The following EBF2 variants were observed in gnomAD, a reference collection of about 807,000 sequenced individuals.
The protein encoded by EBF2 is transcription factor COE2.
In EBF2, 21 loss-of-function variants were observed where a neutral mutation model predicts 72.8. That is an observed-to-expected ratio of 0.29 (90% confidence interval 0.20 to 0.42). The LOEUF is 0.42. Ranked by LOEUF, EBF2 falls within the 10% of genes least tolerant of loss-of-function variation. The pLI, the probability that EBF2 is intolerant of heterozygous loss-of-function variation, is 1.00. For synonymous variants in EBF2, 299 were observed against 274.2 expected (o/e 1.09, Z -0.89); for missense variants, 637 against 731.2 (o/e 0.87, Z 1.49).
chr8:26,040,553 C>A, intron 4 of EBF2, 63 bp downstream of exon 4: 1 of 1,499,840 alleles, frequency 6.7e-7, no homozygotes, highest in Non-Finnish European at 9.0e-7. Context: ...CAGAAACAAA[C>A]TGGGGGGTTT....
chr8:25,927,925 C>T (rs1366956556), intron 6 of EBF2, among the ~76,000 whole-genome samples: 1 of 152,214 alleles, frequency 6.6e-6, no homozygotes. Context: ...ATGAATAAAA[C>T]CTGGCCCACA....
chr8:25,883,567 G>A (rs1457672463), intron 10 of EBF2, among the ~76,000 whole-genome samples: 1 of 152,068 alleles, frequency 6.6e-6, no homozygotes, highest in East Asian at 1.9e-4. Flanking sequence ...ATATCTAATT[G>A]GTCTGGGGTT....
intron 6 of EBF2, among the ~76,000 whole-genome samples, chr8:25,981,530 T>A (rs992045688): frequency 6.6e-6 from 1 of 152,070 alleles, no homozygotes; most frequent in African/African-American, 2.4e-5. Flanking sequence ...GAAGGCCCGA[T>A]GTGGTGGCTC....
chr8:25,900,829 A>G (rs902592079), intron 7 of EBF2, among the ~76,000 whole-genome samples: 1 of 152,170 alleles, frequency 6.6e-6, no homozygotes, highest in Admixed American at 6.5e-5. Context: ...ACTAAAAAAA[A>G]AATGATTAGG....
At chr8:25,881,117 T>G (rs1802599605) in intron 10 of EBF2, among the ~76,000 whole-genome samples, 1 of 152,176 alleles carries the variant, frequency 6.6e-6, no homozygotes, top group East Asian at 1.9e-4. Context: ...CCAAGTGACC[T>G]CCCTGCATCC....
chr8:25,893,489 G>A (rs1802818195), intron 7 of EBF2, among the ~76,000 whole-genome samples: 1 of 151,842 alleles, frequency 6.6e-6, no homozygotes, highest in Non-Finnish European at 1.5e-5. Context: ...TGTTGGCCAG[G>A]CTGGTCTAGA....
chr8:25,958,237 G>T lies in EBF2; in HGVS notation c.552-49682C>A, dbSNP rs867434720. Among the ~76,000 whole-genome samples the T allele has an allele frequency of 1.6e-4, 24 of 152,174 alleles. 1 individual carries two copies. Among genetic ancestry groups the T allele is most frequent in the Admixed American group, 1.4e-3 (22 of 15,272 alleles). The stretch of plus-strand genomic sequence containing the variant: ...CCTCCCAACACAAACAGCCCAGTCT[G>T]CTCAGAGCAGGAAAAGGTAAAAGTA... On this transcript the variant is annotated intron_variant, in intron 6 of 15. Transcript: ENST00000520164.
intron 6 of EBF2, among the ~76,000 whole-genome samples, chr8:25,982,160 G>C (rs952720990): frequency 6.6e-5 from 10 of 152,212 alleles, no homozygotes; most frequent in African/African-American, 2.2e-4. Flanking sequence ...CTGGGCTTCA[G>C]TTCCCATTTA....
chr8:25,854,628 G>A (rs973221625), intron 14 of EBF2, among the ~76,000 whole-genome samples: 21 of 152,018 alleles, frequency 1.4e-4, no homozygotes, highest in African/African-American at 4.1e-4. Context: ...TTTTCAAGTT[G>A]TCTGTAATGA....
chr8:26,010,958 T>C (rs1804971718), intron 6 of EBF2, among the ~76,000 whole-genome samples: 2 of 148,406 alleles, frequency 1.3e-5, no homozygotes, highest in African/African-American at 5.0e-5. Context: ...GTGCATAAAC[T>C]TTTGTTTTAT....
chr8:25,973,520 G>A (rs1016601932), intron 6 of EBF2, among the ~76,000 whole-genome samples: 11 of 152,028 alleles, frequency 7.2e-5, no homozygotes, highest in Admixed American at 1.3e-4. Context: ...CAAAACCAGC[G>A]ATGAAGCAAA....
At chr8:25,895,285 G>C (rs1802849149) in intron 7 of EBF2, among the ~76,000 whole-genome samples, 1 of 152,200 alleles carries the variant, frequency 6.6e-6, no homozygotes, top group Admixed American at 6.5e-5. Flanking sequence ...TTCTGAGAGA[G>C]AAATCAGGAT....
chr8:25,922,624 G>C (rs1350545381), intron 6 of EBF2, among the ~76,000 whole-genome samples: 1 of 152,258 alleles, frequency 6.6e-6, no homozygotes, highest in East Asian at 1.9e-4. Context: ...AAAAGGCAGG[G>C]TAACAAAAAA....
intron 10 of EBF2, among the ~76,000 whole-genome samples, chr8:25,877,923 CG>C (rs1802549647): frequency 6.6e-6 from 1 of 152,086 alleles, no homozygotes. Flanking sequence ...AGACCCTGTC[CG>C]AAGAGCATGA....
Position 26,045,025 on chromosome 8 carries a change from G to T in EBF2, c.-166C>A. ...AAAAAAAAAAGATAACCCGTCCTTTGCTTCACTGGCGAGGTGCGGACTGAT... is the reference window on the plus strand; with the variant it reads ...AAAAAAAAAAGATAACCCGTCCTTTTCTTCACTGGCGAGGTGCGGACTGAT... On this transcript the variant is annotated 5_prime_UTR_variant, in exon 1 of 16. Transcript: ENST00000520164. 1 of 737,620 alleles carries T rather than the reference G, an allele frequency of 1.4e-6. No homozygotes were observed. The highest frequency in any genetic ancestry group is 2.1e-6 in the Non-Finnish European group (1 of 471,850). 45.7% of individuals were successfully genotyped at this position (737,620 alleles called of 1,614,324 possible). A position where few individuals can be genotyped will look rare whatever the true frequency, so the allele number is the denominator to read the frequency against.
intron 6 of EBF2, among the ~76,000 whole-genome samples, chr8:26,027,111 A>G (rs572014336): frequency 1.4e-4 from 22 of 152,314 alleles, no homozygotes; most frequent in African/African-American, 4.6e-4. Flanking sequence ...CCTTGCAGAC[A>G]TACGTCACCT....
intron 5 of EBF2, among the ~76,000 whole-genome samples, chr8:26,034,587 A>G (rs1805465789): frequency 6.6e-6 from 1 of 152,230 alleles, no homozygotes; most frequent in East Asian, 1.9e-4. Context: ...GGTAAGAAGC[A>G]CTGGGAATTC....
chr8:25,862,835 G>T, intron 10 of EBF2, 38 bp from the exon 11 acceptor site: 1 of 1,499,744 alleles, frequency 6.7e-7, no homozygotes, highest in Non-Finnish European at 9.1e-7. Context: ...TTGGTATCCT[G>T]GCTATAAAGC....
At chr8:25,883,902 T>A (rs1332999793) in intron 10 of EBF2, among the ~76,000 whole-genome samples, 1 of 152,086 alleles carries the variant, frequency 6.6e-6, no homozygotes, top group Non-Finnish European at 1.5e-5. Context: ...GCTTCTGGCT[T>A]CTTCTTACCC....
Sources: allele counts gnomAD v4.1 joint callset (sites outside exome capture counted in the v4.1 genomes callset), GRCh38; gene constraint gnomAD v4.1.1; transcripts MANE v1.5; gene names NCBI Gene and HGNC (gene_info 2026-07-23, HGNC 2026-07-21).